The following SLC24A3 variants were observed in gnomAD, a reference collection of about 807,000 sequenced individuals.
SLC24A3 encodes the protein solute carrier family 24 member 3.
Under a neutral mutation model 75.8 loss-of-function variants are expected in SLC24A3, and 28 were observed. The ratio of observed to expected loss-of-function variants is 0.37; its 90% confidence interval spans 0.27 to 0.51. The LOEUF (loss-of-function observed/expected upper bound fraction) is 0.51, where lower values mean the gene tolerates loss of function less well. Ranked by LOEUF, SLC24A3 falls within the 20% of genes least tolerant of loss-of-function variation. The probability of loss-of-function intolerance (pLI) is 0.94; values close to 1 mark genes in which losing one functional copy is unlikely to be tolerated. For missense variants in SLC24A3, 663 were observed against 847.8 expected, an observed-to-expected ratio of 0.78 and a Z score of 2.71; for synonymous variants, 372 against 334.1, an observed-to-expected ratio of 1.11 and a Z score of -1.24.
At chr20:19,560,009 TAA>T (rs2030849546) in intron 3 of SLC24A3, among the ~76,000 whole-genome samples, 2 of 152,152 alleles carry the variant, frequency 1.3e-5, no homozygotes, top group Admixed American at 6.5e-5. Flanking sequence ...AGTGTTACAT[TAA>T]CTGATTTACA....
chr20:19,599,077 T>C (rs2122651659), intron 6 of SLC24A3, among the ~76,000 whole-genome samples: 1 of 152,340 alleles, frequency 6.6e-6, no homozygotes, highest in East Asian at 1.9e-4. Flanking sequence ...CCCCATGGTG[T>C]CGGTTCTTCT....
intron 1 of SLC24A3, among the ~76,000 whole-genome samples, chr20:19,259,391 A>G (rs1038042758): frequency 2.0e-5 from 3 of 152,172 alleles, no homozygotes; most frequent in Non-Finnish European, 4.4e-5. Context: ...TGTTTGTCAT[A>G]TGCTTGGCCA....
intron 2 of SLC24A3, among the ~76,000 whole-genome samples, chr20:19,414,571 A>G (rs1007437623): frequency 6.6e-6 from 1 of 152,240 alleles, no homozygotes; most frequent in African/African-American, 2.4e-5. Context: ...ATCATTTTAT[A>G]TATTTTCAAA....
chr20:19,497,725 T>C lies in SLC24A3; in HGVS notation c.272-17763T>C, dbSNP rs137870079. 5.0e-3 allele frequency among the ~76,000 whole-genome samples: 764 copies of C among 152,266 alleles called. 14 individuals carry two copies. Among genetic ancestry groups the C allele is most frequent in the African/African-American group, 0.016 (673 of 41,538 alleles). ...TGTGAACTGAGCCTCAGTTTCCCAC[T>C]CTGTGAAGCACAGAGCTCTCGAGTT... On this transcript the variant is annotated intron_variant, in intron 2 of 16. Coordinates refer to ENST00000328041, the MANE Select transcript of SLC24A3 (RefSeq NM_020689.4).
chr20:19,473,406 G>C (rs934909908), intron 2 of SLC24A3, among the ~76,000 whole-genome samples: 1 of 152,246 alleles, frequency 6.6e-6, no homozygotes, highest in African/African-American at 2.4e-5. Flanking sequence ...GCCCAGGAGA[G>C]ATAATAACAA....
chr20:19,336,955 G>A (rs1208308524), intron 2 of SLC24A3, among the ~76,000 whole-genome samples: 1 of 152,068 alleles, frequency 6.6e-6, no homozygotes, highest in African/African-American at 2.4e-5. Flanking sequence ...AACTTCTCAA[G>A]CATACTCTGT....
intron 2 of SLC24A3, among the ~76,000 whole-genome samples, chr20:19,334,013 G>C (rs1985067864): frequency 6.7e-6 from 1 of 149,514 alleles, no homozygotes; most frequent in Non-Finnish European, 1.5e-5. Context: ...ATGTATGACA[G>C]GTGCATTATA....
At chr20:19,280,706 A>T (rs574887542) in intron 1 of SLC24A3, among the ~76,000 whole-genome samples, 1 of 152,208 alleles carries the variant, frequency 6.6e-6, no homozygotes, top group African/African-American at 2.4e-5. Context: ...AGTGTGCTTT[A>T]TCAAGAGAGT....
At chr20:19,467,852 G>C (rs1344252247) in intron 2 of SLC24A3, among the ~76,000 whole-genome samples, 1 of 150,236 alleles carries the variant, frequency 6.7e-6, no homozygotes, top group African/African-American at 2.5e-5. Flanking sequence ...CTGCACTCCA[G>C]CCTGGGTGAC....
At chr20:19,686,814 C>T (rs758498236) in intron 12 of SLC24A3, among the ~76,000 whole-genome samples, 1 of 152,178 alleles carries the variant, frequency 6.6e-6, no homozygotes, top group African/African-American at 2.4e-5. Context: ...TCCTATTCCC[C>T]CAGGTCCCTT....
At chr20:19,320,938 T>C (rs1984692697) in intron 2 of SLC24A3, among the ~76,000 whole-genome samples, 1 of 152,116 alleles carries the variant, frequency 6.6e-6, no homozygotes, top group Non-Finnish European at 1.5e-5. Context: ...ACAGAATGTG[T>C]GTACATGTAC....
intron 2 of SLC24A3, among the ~76,000 whole-genome samples, chr20:19,373,764 A>G (rs1357190059): frequency 6.6e-6 from 1 of 152,148 alleles, no homozygotes; most frequent in African/African-American, 2.4e-5. Flanking sequence ...GCTGCTATCC[A>G]TCATTTTCCT....
intron 7 of SLC24A3, among the ~76,000 whole-genome samples, chr20:19,664,631 G>A (rs1444665328): frequency 6.6e-6 from 1 of 152,174 alleles, no homozygotes; most frequent in Admixed American, 6.5e-5. Context: ...TGCCCGCTTT[G>A]TTAACTGAGT....
chr20:19,678,523 A>G (rs1464177248), intron 9 of SLC24A3, among the ~76,000 whole-genome samples: 3 of 90,548 alleles, frequency 3.3e-5, no homozygotes, highest in Non-Finnish European at 2.2e-5. Context: ...CTGACCCCCC[A>G]ACCTCCCTCC....
chr20:19,372,485 T>G (rs1986009233), intron 2 of SLC24A3, among the ~76,000 whole-genome samples: 1 of 152,178 alleles, frequency 6.6e-6, no homozygotes, highest in South Asian at 2.1e-4. Flanking sequence ...AGAAAATGGT[T>G]CATGCGGGAA....
intron 3 of SLC24A3, among the ~76,000 whole-genome samples, chr20:19,530,168 G>A (rs1162698624): frequency 2.0e-5 from 3 of 152,164 alleles, no homozygotes; most frequent in African/African-American, 4.8e-5. Flanking sequence ...CAGTGATGGC[G>A]TTGGCATGGA....
chr20:19,605,913 C>T (rs2031591078), intron 6 of SLC24A3, among the ~76,000 whole-genome samples: 2 of 152,212 alleles, frequency 1.3e-5, no homozygotes, highest in African/African-American at 4.8e-5. Flanking sequence ...CTCTGAATGA[C>T]TGTGCCCACT....
rs1490496066 is a variant in SLC24A3, at chr20:19,654,111, C to T, written c.662C>T (p.Thr221Met). ...CTGCTGAGGGATTCTATTTACTACA[C>T]GCTGTCTGTGATCGCGCTCATCGTG... ...WCLLRDSIYY[T>M]LSVIALIVFI... Residue 221 changes from threonine to methionine, a missense_variant, in exon 7 of 17, where the codon ACG (threonine) becomes ATG (methionine). Physicochemically the swap from Thr to Met is moderately conservative, Grantham distance 81 (BLOSUM62 -1). This residue lies in a region of SLC24A3 where 510 missense variants were observed against 703.6 expected (regional missense o/e 0.72). Transcript: ENST00000328041. The T allele has an allele frequency of 2.5e-6, 4 of 1,613,774 alleles. No homozygotes were observed. The highest frequency in any genetic ancestry group is 1.1e-5 in the South Asian group (1 of 91,078).
chr20:19,519,840 AGC>A (rs1281228685), intron 3 of SLC24A3, among the ~76,000 whole-genome samples: 2 of 152,234 alleles, frequency 1.3e-5, no homozygotes, highest in African/African-American at 4.8e-5. Flanking sequence ...GGAGATTATA[AGC>A]CAAGCTACGC....
Sources: gnomAD v4.1 joint callset for allele counts (sites outside exome capture counted in the v4.1 genomes callset) on GRCh38, gnomAD v4.1.1 for gene constraint, gnomAD v4.1.1 regional missense constraint, MANE v1.5 for transcripts, NCBI Gene and HGNC (gene_info 2026-07-23, HGNC 2026-07-21) for gene names.